SULF2: variants seen among roughly 807,000 people sequenced by gnomAD.
The protein encoded by SULF2 is extracellular sulfatase Sulf-2.
SULF2 carries 52 observed loss-of-function variants against 107.7 expected under a neutral mutation model. The observed-to-expected ratio is 0.48, with a 90% CI of 0.39 to 0.61. The LOEUF (loss-of-function observed/expected upper bound fraction) is 0.61, where lower values mean the gene tolerates loss of function less well. Among genes scored for constraint, SULF2 ranks in the 20% least tolerant of loss-of-function variants. SULF2 has a pLI of 0.00. For missense variants in SULF2, 993 were observed against 1,177.3 expected (o/e 0.84, Z 2.29); for synonymous variants, 460 against 464.3 (o/e 0.99, Z 0.12).
At chr20:47,772,025 C>T (rs560335837) in intron 1 of SULF2, among the ~76,000 whole-genome samples, 62 of 152,228 alleles carry the variant, frequency 4.1e-4, no homozygotes, top group Non-Finnish European at 6.3e-4. Flanking sequence ...CAGGGCTGAT[C>T]GTTAACCTCT....
chr20:47,748,070 C>T (rs1337182657), intron 2 of SULF2, among the ~76,000 whole-genome samples: 1 of 152,222 alleles, frequency 6.6e-6, no homozygotes, highest in Non-Finnish European at 1.5e-5. Flanking sequence ...GCACGCATAG[C>T]TGACCAGCTC....
chr20:47,754,537 T>C (rs1418492115), intron 2 of SULF2, among the ~76,000 whole-genome samples: 1 of 152,138 alleles, frequency 6.6e-6, no homozygotes, highest in Admixed American at 6.5e-5. Context: ...GGCTTGTTTA[T>C]AGAGGGCAAG....
intron 10 of SULF2, among the ~76,000 whole-genome samples, chr20:47,673,102 G>C (rs1342680481): frequency 6.6e-6 from 1 of 152,198 alleles, no homozygotes; most frequent in Non-Finnish European, 1.5e-5. Context: ...CTCTCGTGTT[G>C]ATCCTTCTGC....
intron 1 of SULF2, among the ~76,000 whole-genome samples, chr20:47,772,521 G>T (rs1568929147): frequency 6.6e-6 from 1 of 152,222 alleles, no homozygotes; most frequent in Non-Finnish European, 1.5e-5. Flanking sequence ...TCTCCTTGAA[G>T]ACCATAAAGG....
At chr20:47,781,418 C>A (rs116799757) in intron 1 of SULF2, among the ~76,000 whole-genome samples, 1,978 of 152,330 alleles carry the variant, frequency 0.013, 56 homozygotes, top group African/African-American at 0.044. Context: ...CAGGGAGAGG[C>A]CTGTGAGCCT....
intron 2 of SULF2, among the ~76,000 whole-genome samples, chr20:47,746,755 C>A (rs533868012): frequency 1.3e-5 from 2 of 151,404 alleles, no homozygotes; most frequent in African/African-American, 2.4e-5. Context: ...AAACACTGCA[C>A]GTTCTCACTC....
intron 1 of SULF2, among the ~76,000 whole-genome samples, chr20:47,777,221 T>C (rs1282687871): frequency 6.6e-6 from 1 of 152,212 alleles, no homozygotes; most frequent in Non-Finnish European, 1.5e-5. Context: ...ATCCGAAGCA[T>C]AGGAAGGAGC....
At chr20:47,770,229 TTTTAAA>T (rs1307165356) in intron 1 of SULF2, among the ~76,000 whole-genome samples, 1 of 151,682 alleles carries the variant, frequency 6.6e-6, no homozygotes, top group Non-Finnish European at 1.5e-5. Flanking sequence ...CCCGATTACT[TTTTAAA>T]TTTTTGGTAG....
intron 11 of SULF2, among the ~76,000 whole-genome samples, chr20:47,668,624 C>G (rs1469174000): frequency 2.0e-5 from 3 of 152,228 alleles, no homozygotes; most frequent in Non-Finnish European, 4.4e-5. Flanking sequence ...CAGGATGGTG[C>G]CTACCCTACA....
At chr20:47,672,415 C>G (rs778240154) in intron 10 of SULF2, 22 bp from the exon 11 acceptor site, 1 of 1,553,664 alleles carries the variant, frequency 6.4e-7, no homozygotes, top group Non-Finnish European at 8.7e-7. Flanking sequence ...GCCAGGGCCT[C>G]GGCCAGCTGC....
chr20:47,745,303 AC>A (rs1389756768), intron 2 of SULF2, among the ~76,000 whole-genome samples: 3 of 146,174 alleles, frequency 2.1e-5, no homozygotes, highest in African/African-American at 7.5e-5. Context: ...TGATTTAGCC[AC>A]CCTGCACCTC....
rs373618271 is a variant in SULF2, at chr20:47,758,162, CTTTTTTTTTTT to C, written c.-100-710_-100-700del. 2.8e-3 allele frequency among the ~76,000 whole-genome samples: 344 copies of C among 122,450 alleles called. 1 individual carries two copies. The highest frequency in any genetic ancestry group is 9.8e-3 in the African/African-American group (326 of 33,268). 80.3% of individuals were successfully genotyped at this position (122,450 alleles called of 152,430 possible). A position where few individuals can be genotyped will look rare whatever the true frequency, so the allele number is the denominator to read the frequency against. ...CTTGTAGTTGGGCAAAAAAGTATTC[CTTTTTTTTTTT>C]TTTTTTTTTTCCCAGACAGAGTTTT... On this transcript the variant is annotated intron_variant, in intron 1 of 20. Transcript: ENST00000688720.
Position 47,666,069 on chromosome 20 carries a change from C to G in SULF2, c.1806-116G>C. ...TCTGTCCTGTCCCCTTCACCCTCGA[C>G]TTCCACCTGGACACTCACCGATGTG... On this transcript the variant is annotated intron_variant, in intron 12 of 20. Coordinates refer to ENST00000688720, the MANE Select transcript of SULF2 (RefSeq NM_001387048.1). This position sits in a 1 kb window ranked among gnomAD's most constrained non-coding sequence, Gnocchi z 5.4. 6.2e-7 allele frequency: 1 copy of G among 1,600,162 alleles called. No individual in the cohort carries two copies. The highest frequency in any genetic ancestry group is 8.6e-7 in the Non-Finnish European group (1 of 1,168,558).
intron 3 of SULF2, among the ~76,000 whole-genome samples, chr20:47,705,311 A>G (rs2088695896): frequency 6.6e-6 from 1 of 152,190 alleles, no homozygotes; most frequent in South Asian, 2.1e-4. Flanking sequence ...ATAAACGGGA[A>G]GAACCTGGCG....
intron 1 of SULF2, among the ~76,000 whole-genome samples, chr20:47,769,048 T>A (rs1600683239): frequency 2.6e-3 from 1 of 380 alleles, no homozygotes; most frequent in Non-Finnish European, 3.4e-3. Flanking sequence ...GCCTGCCTCA[T>A]TTTTTTTTTG....
intron 3 of SULF2, among the ~76,000 whole-genome samples, chr20:47,714,263 T>A (rs536952999): frequency 6.6e-6 from 1 of 152,358 alleles, no homozygotes; most frequent in Non-Finnish European, 1.5e-5. Context: ...TTTGGACCGC[T>A]GCATACTTAG....
intron 3 of SULF2, among the ~76,000 whole-genome samples, chr20:47,719,089 G>A (rs2089211785): frequency 6.6e-6 from 1 of 152,102 alleles, no homozygotes; most frequent in South Asian, 2.1e-4. Flanking sequence ...GGGAATTACG[G>A]ATATTTTCAT....
At chr20:47,769,729 C>T (rs1260749609) in intron 1 of SULF2, among the ~76,000 whole-genome samples, 4 of 152,172 alleles carry the variant, frequency 2.6e-5, no homozygotes, top group Non-Finnish European at 4.4e-5. Context: ...ATAAATTACA[C>T]AACATATGAG....
At chr20:47,677,543 G>A (rs1047819845) in intron 8 of SULF2, among the ~76,000 whole-genome samples, 5 of 152,126 alleles carry the variant, frequency 3.3e-5, no homozygotes, top group African/African-American at 9.7e-5. Flanking sequence ...AGGCGCAGTG[G>A]TTTGGCGTCT....
Sources: gnomAD v4.1 joint callset for allele counts (sites outside exome capture counted in the v4.1 genomes callset) on GRCh38, gnomAD v4.1.1 for gene constraint, Gnocchi (gnomAD v3.1) non-coding constraint, MANE v1.5 for transcripts, NCBI Gene and HGNC (gene_info 2026-07-23, HGNC 2026-07-21) for gene names.